Variants in NGFR observed in about 807,000 individuals in gnomAD.
NGFR encodes the protein nerve growth factor receptor.
Under a neutral mutation model 43.2 loss-of-function variants are expected in NGFR, and 30 were observed. The ratio of observed to expected loss-of-function variants is 0.69; its 90% confidence interval spans 0.52 to 0.94. The LOEUF is 0.94. Ranked by LOEUF, NGFR falls within the 40% of genes least tolerant of loss-of-function variation. The probability of loss-of-function intolerance (pLI) is 0.00; values close to 1 mark genes in which losing one functional copy is unlikely to be tolerated. For missense variants in NGFR, 529 were observed against 602.5 expected (o/e 0.88, Z 1.28); for synonymous variants, 246 against 259.6 (o/e 0.95, Z 0.50).
At chr17:49,508,916 C>T (rs11466149) in intron 3 of NGFR, among the ~76,000 whole-genome samples, 2,336 of 152,296 alleles carry the variant, frequency 0.015, 57 homozygotes, top group African/African-American at 0.053. Context: ...ACTCCTTCAC[C>T]CTCTGGCTTG....
At chr17:49,506,218 T>G in intron 2 of NGFR, 81 bp from the exon 3 acceptor site, 1 of 1,494,078 alleles carries the variant, frequency 6.7e-7, no homozygotes, top group East Asian at 2.3e-5. Flanking sequence ...TGGCAGGCAA[T>G]AGGGGAGGGA....
chr17:49,503,200 G>A (rs1223792578), intron 2 of NGFR, among the ~76,000 whole-genome samples: 9 of 152,006 alleles, frequency 5.9e-5, no homozygotes, highest in Admixed American at 3.3e-4. Flanking sequence ...GATTAGAGGC[G>A]TGAGCCACCG....
chr17:49,501,483 C>G (rs748884595), intron 1 of NGFR, among the ~76,000 whole-genome samples: 5 of 152,220 alleles, frequency 3.3e-5, no homozygotes, highest in African/African-American at 7.2e-5. Flanking sequence ...ACCCAAGACC[C>G]TGGCCCTCTC....
At chr17:49,501,999 A>AAGCCCCCCCCCCCCCCCCCCCC in intron 1 of NGFR, 64 bp from the exon 2 acceptor site, 1 of 330,984 alleles carries the variant, frequency 3.0e-6, no homozygotes, top group Non-Finnish European at 5.9e-6. Context: ...TCCCCGGAAG[A>AAGCCCCCCCCCCCCCCCCCCCC]ACCCCCCCCA....
In NGFR at chr17:49,495,297, C is replaced by A; in HGVS notation, c.-121C>A. On this transcript the variant is annotated 5_prime_UTR_variant, in exon 1 of 6. Coordinates refer to ENST00000172229, the MANE Select transcript of NGFR (RefSeq NM_002507.4). This position sits in a 1 kb window ranked among gnomAD's most constrained non-coding sequence, Gnocchi z 6.4. ...CAGCCTCTCCCGCCCGCAGCCAGAGCGAGCCGAGCCGCGGCCAGCTCCGGC... is the reference window on the plus strand; with the variant it reads ...CAGCCTCTCCCGCCCGCAGCCAGAGAGAGCCGAGCCGCGGCCAGCTCCGGC... 1.2e-6 allele frequency: 1 copy of A among 815,434 alleles called. No homozygotes were observed. The highest frequency in any genetic ancestry group is 1.6e-6 in the Non-Finnish European group (1 of 610,936). The allele number at this position is 815,434 out of a possible 1,614,324, so 50.5% of individuals were successfully genotyped here. A position where few individuals can be genotyped will look rare whatever the true frequency, so the allele number is the denominator to read the frequency against.
Position 49,510,488 on chromosome 17 carries a change from T to C in NGFR, c.645T>C (p.Pro215=), listed in dbSNP as rs2071224272. ...SDSTAPSTQE[P]EAPPEQDLIA... Reference sequence around the variant, plus strand: ...GCACAGCCCCCAGCACCCAGGAGCCTGAGGCACCTCCAGAACAAGACCTCA... The same window carrying C: ...GCACAGCCCCCAGCACCCAGGAGCCCGAGGCACCTCCAGAACAAGACCTCA... Residue 215 remains proline, a synonymous_variant, in exon 4 of 6, where the codon CCT becomes CCC. Transcript: ENST00000172229. 5.0e-6 allele frequency: 8 copies of C among 1,613,960 alleles called. No individual in the cohort carries two copies. The highest frequency in any genetic ancestry group is 6.8e-6 in the Non-Finnish European group (8 of 1,180,006).
chr17:49,500,703 G>A (rs1392056084), intron 1 of NGFR, among the ~76,000 whole-genome samples: 1 of 152,182 alleles, frequency 6.6e-6, no homozygotes, highest in African/African-American at 2.4e-5. Context: ...CCAGCACTGA[G>A]TGTGTTGCTG....
intron 1 of NGFR, 49 bp from the exon 2 acceptor site, chr17:49,502,004 CCCCCAACCCA>C: frequency 8.4e-6 from 3 of 356,422 alleles, no homozygotes; most frequent in Non-Finnish European, 1.7e-5. Flanking sequence ...GGAAGAACCC[CCCCCAACCCA>C]CCCCAGCTTT....
At chr17:49,500,599 G>C (rs1274145350) in intron 1 of NGFR, among the ~76,000 whole-genome samples, 1 of 152,214 alleles carries the variant, frequency 6.6e-6, no homozygotes, top group East Asian at 1.9e-4. Context: ...AGCCCTAAAG[G>C]ATGAAAAGAA....
At position 49,510,521 on chromosome 17, in the gene NGFR, C is replaced by T. The variant is rs1225948210; in HGVS notation, c.678C>T (p.Ser226=). Residue 226 remains serine, a synonymous_variant, in exon 4 of 6, where the codon AGC becomes AGT. Coordinates refer to ENST00000172229, the MANE Select transcript of NGFR (RefSeq NM_002507.4). ...CTCCAGAACAAGACCTCATAGCCAG[C>T]ACGGTGGCAGGTGTGGTGACCACAG... ...EAPPEQDLIA[S]TVAGVVTTVM... 1.9e-6 allele frequency: 3 copies of T among 1,614,132 alleles called. No homozygotes were observed. The highest frequency in any genetic ancestry group is 2.5e-6 in the Non-Finnish European group (3 of 1,180,020).
At chr17:49,509,030 G>A (rs1306674882) in intron 3 of NGFR, among the ~76,000 whole-genome samples, 1 of 152,162 alleles carries the variant, frequency 6.6e-6, no homozygotes, top group Non-Finnish European at 1.5e-5. Flanking sequence ...CCAGTCCAAT[G>A]CTCCACCTGG....
chr17:49,496,890 G>A (rs896543211), intron 1 of NGFR: 2 of 152,220 alleles, frequency 1.3e-5, no homozygotes, highest in African/African-American at 4.8e-5. Context: ...CTGCTTTATG[G>A]CCATGAACCG....
In NGFR at chr17:49,512,470, TG is replaced by T. The variant is rs953512716; in HGVS notation, c.983-231del. On this transcript the variant is annotated intron_variant, in intron 5 of 5. Transcript: ENST00000172229. This position sits in a 1 kb window ranked among gnomAD's most constrained non-coding sequence, Gnocchi z 5.2. ...CTCCTCCTCTGCCATGATTAATTGCTGGGGGGGAAGAGAGGAGGGATGGGGA... is the reference window on the plus strand; with the variant it reads ...CTCCTCCTCTGCCATGATTAATTGCTGGGGGGAAGAGAGGAGGGATGGGGA... Among the ~76,000 whole-genome samples, 2 of 152,046 alleles carry T rather than the reference TG, an allele frequency of 1.3e-5. No individual in the cohort carries two copies. The highest frequency in any genetic ancestry group is 2.4e-5 in the African/African-American group (1 of 41,396).
chr17:49,511,778 A>G lies in NGFR; in HGVS notation c.822-114A>G, dbSNP rs572613554. 13 of 1,262,216 alleles carry G rather than the reference A, an allele frequency of 1.0e-5. No individual in the cohort carries two copies. The South Asian group carries it at 1.7e-4, about 17-fold the overall frequency. 78.2% of individuals were successfully genotyped at this position (1,262,216 alleles called of 1,614,324 possible). ...AGCCTTAGATGGTGGGGTGGCGGTT[A>G]TAATTGGGCACCCGCCATGCCCCTG... On this transcript the variant is annotated intron_variant, in intron 4 of 5. Coordinates refer to ENST00000172229, the MANE Select transcript of NGFR (RefSeq NM_002507.4).
chr17:49,506,300 C>A lies in NGFR; in HGVS notation c.210C>A (p.Ser70Arg), dbSNP rs746374848. 3.9e-6 allele frequency: 6 copies of A among 1,555,586 alleles called. No individual in the cohort carries two copies. Among genetic ancestry groups the A allele is most frequent in the Non-Finnish European group, 8.7e-7 (1 of 1,152,724 alleles). The change falls in exon 3 of 6, where the codon AGC becomes AGA. Residue 70 changes from serine to arginine, a missense_variant and splice_region_variant. Transcript: ENST00000172229. ...NQTVCEPCLD[S>R]VTFSDVVSAT... ...AAATCTGGTGTCCGCTGCGCTCAGG[C>A]GTGACGTTCTCCGACGTGGTGAGCG...
intron 3 of NGFR, 99 bp downstream of exon 3, chr17:49,506,757 C>A: frequency 4.1e-6 from 5 of 1,211,786 alleles, no homozygotes; most frequent in Non-Finnish European, 5.6e-6. Flanking sequence ...CCCTGCCTGG[C>A]CTGCTGGGGC....
At chr17:49,510,367 G>A in intron 3 of NGFR, 45 bp from the exon 4 acceptor site, 1 of 1,604,094 alleles carries the variant, frequency 6.2e-7, no homozygotes, top group African/African-American at 1.3e-5. Flanking sequence ...CTAAAAGGGA[G>A]GAGTGGGGGA....
chr17:49,511,793 C>T, intron 4 of NGFR, 99 bp from the exon 5 acceptor site: 1 of 1,377,220 alleles, frequency 7.3e-7, no homozygotes, highest in Non-Finnish European at 9.6e-7. Context: ...TGGGCACCCG[C>T]CATGCCCCTG....
intron 4 of NGFR, 148 bp from the exon 5 acceptor site, chr17:49,511,744 G>T: frequency 1.1e-6 from 1 of 904,222 alleles, no homozygotes; most frequent in Non-Finnish European, 1.6e-6. Flanking sequence ...GGGCAGATGT[G>T]CAAAGAGGAG....
Sources: allele counts gnomAD v4.1 joint callset (sites outside exome capture counted in the v4.1 genomes callset), GRCh38; gene constraint gnomAD v4.1.1; non-coding constraint Gnocchi (gnomAD v3.1); transcripts MANE v1.5; gene names NCBI Gene and HGNC (gene_info 2026-07-23, HGNC 2026-07-21).